Variants in SGTA observed in about 807,000 individuals in gnomAD.
SGTA encodes small glutamine-rich tetratricopeptide repeat-containing protein alpha.
Under a neutral mutation model 44.3 loss-of-function variants are expected in SGTA, and 22 were observed. The observed-to-expected ratio is 0.50, with a 90% confidence interval of 0.36 to 0.71. The LOEUF is 0.71. Among genes scored for constraint, SGTA ranks in the 30% least tolerant of loss-of-function variants. The pLI is 0.00. For synonymous variants in SGTA, 174 were observed against 177.6 expected (o/e 0.98, Z 0.16); for missense variants, 341 against 435.9 (o/e 0.78, Z 1.94).
At position 2,755,757 on chromosome 19, in the gene SGTA, G is replaced by T; in HGVS notation, c.*183C>A. 1.0e-6 allele frequency: 1 copy of T among 985,570 alleles called. No homozygotes were observed. 61.1% of individuals were successfully genotyped at this position (985,570 alleles called of 1,614,324 possible). A position where few individuals can be genotyped will look rare whatever the true frequency, so the allele number is the denominator to read the frequency against. ...TCAAGAAGGGTCTGGGGGCTGTAAG[G>T]GAGTTACAAAAAGGGAGTGGAGGAG... On this transcript the variant is annotated 3_prime_UTR_variant, in exon 12 of 12. Transcript: ENST00000221566. The surrounding 1 kb of genome is among the most constrained non-coding windows in gnomAD (Gnocchi z 5.2).
chr19:2,757,484 G>C (rs376661765), intron 10 of SGTA, 27 bp from the exon 11 acceptor site: 90 of 1,601,546 alleles, frequency 5.6e-5, no homozygotes, highest in Non-Finnish European at 7.1e-5. Flanking sequence ...ATGGGGCTCA[G>C]CCAGGGCCAG....
chr19:2,774,319 C>T (rs1046082824), intron 1 of SGTA, among the ~76,000 whole-genome samples: 3 of 152,106 alleles, frequency 2.0e-5, no homozygotes, highest in African/African-American at 4.8e-5. Flanking sequence ...GGAGAACAAA[C>T]GGGCTGTCAT....
chr19:2,762,358 G>T, intron 7 of SGTA, 148 bp downstream of exon 7: 1 of 745,416 alleles, frequency 1.3e-6, no homozygotes, highest in Non-Finnish European at 2.2e-6. Context: ...TCACTTCCAC[G>T]CCTGTGCATC....
chr19:2,762,409 C>G, intron 7 of SGTA, 97 bp downstream of exon 7: 1 of 1,267,698 alleles, frequency 7.9e-7, no homozygotes, highest in East Asian at 2.3e-5. Context: ...TCACGACACC[C>G]AGGTTAAGCC....
intron 1 of SGTA, among the ~76,000 whole-genome samples, chr19:2,773,917 G>A (rs1915378182): frequency 9.8e-6 from 1 of 102,066 alleles, no homozygotes; most frequent in Admixed American, 8.7e-5. Context: ...GCAGAGATGG[G>A]TGACGCGGCC....
chr19:2,773,443 A>G lies in SGTA; in HGVS notation c.-23-4352T>C, dbSNP rs370237148. On this transcript the variant is annotated intron_variant, in intron 1 of 11. Coordinates refer to ENST00000221566, the MANE Select transcript of SGTA (RefSeq NM_003021.4). The stretch of plus-strand genomic sequence containing the variant: ...GAGGTGGGTGACGCGGCCACACGGC[A>G]GGGACACCGAGGGCAGAGATGGGTG... Among the ~76,000 whole-genome samples, 46 of 5,140 alleles carry G rather than the reference A, an allele frequency of 8.9e-3. 3 individuals carry two copies. Among genetic ancestry groups the G allele is most frequent in the South Asian group, 0.025 (1 of 40 alleles). 3.4% of individuals were successfully genotyped at this position (5,140 alleles called of 152,430 possible).
In SGTA at chr19:2,762,555, T is replaced by C. The variant is rs1214588273; in HGVS notation, c.587A>G (p.Lys196Arg). 1.2e-6 allele frequency: 2 copies of C among 1,614,134 alleles called. No homozygotes were observed. The highest frequency in any genetic ancestry group is 1.7e-6 in the Non-Finnish European group (2 of 1,179,992). The change falls in exon 7 of 12, where the codon AAG becomes AGG. Residue 196 changes from lysine (K) to arginine (R), a missense_variant. By Grantham distance (26) the Lys-to-Arg change is conservative (BLOSUM62 2). Coordinates refer to ENST00000221566, the MANE Select transcript of SGTA (RefSeq NM_003021.4). Reference protein sequence around the residue: ...LELDPDNETYKSNLKIAELKL... With the variant: ...LELDPDNETYRSNLKIAELKL... ...CAGCTCCGCTATCTTGAGGTTGGAC[T>C]TGTATGTCTCGTTGTCGGGGTCCAG...
At chr19:2,760,763 G>A (rs912555910) in intron 8 of SGTA, among the ~76,000 whole-genome samples, 7 of 152,098 alleles carry the variant, frequency 4.6e-5, no homozygotes, top group African/African-American at 1.2e-4. Context: ...TGAATGGCAC[G>A]ACCCGGGCAG....
Position 2,765,037 on chromosome 19 carries a change from C to G in SGTA, c.392+149G>C. On this transcript the variant is annotated intron_variant, in intron 5 of 11. Coordinates refer to ENST00000221566, the MANE Select transcript of SGTA (RefSeq NM_003021.4). The surrounding 1 kb of genome is among the most constrained non-coding windows in gnomAD (Gnocchi z 5.5). ...TCTCCCCGACCCCGTTGCTGGTCAC[C>G]TGATGCTCGCTCCTGGTCTGAGACC... 1.6e-6 allele frequency: 1 copy of G among 621,002 alleles called. No homozygotes were observed. The highest frequency in any genetic ancestry group is 2.9e-6 in the Non-Finnish European group (1 of 347,358). The allele number at this position is 621,002 out of a possible 1,614,324, so 38.5% of individuals were successfully genotyped here.
chr19:2,761,405 C>G lies in SGTA; in HGVS notation c.699+55G>C, dbSNP rs541551383. 7.6e-6 allele frequency: 11 copies of G among 1,445,494 alleles called. No homozygotes were observed. The highest frequency in any genetic ancestry group is 3.9e-5 in the Admixed American group (2 of 50,806). The allele number at this position is 1,445,494 out of a possible 1,614,324, so 89.5% of individuals were successfully genotyped here. On this transcript the variant is annotated intron_variant, in intron 8 of 11. Transcript: ENST00000221566. This position sits in a 1 kb window ranked among gnomAD's most constrained non-coding sequence, Gnocchi z 5.7. ...TGGCCAGTAGCGGACACAGCAGATG[C>G]GGGCCTGGGGGGTGGCGCAGACACC... is the stretch of plus-strand genomic sequence containing the variant.
In SGTA at chr19:2,755,360, G is replaced by C. The variant is rs1045615320; in HGVS notation, c.*580C>G. 5.1e-6 allele frequency: 5 copies of C among 981,294 alleles called. No individual in the cohort carries two copies. The highest frequency in any genetic ancestry group is 4.9e-6 in the Non-Finnish European group (4 of 824,424). 60.8% of individuals were successfully genotyped at this position (981,294 alleles called of 1,614,324 possible). On this transcript the variant is annotated 3_prime_UTR_variant, in exon 12 of 12. Transcript: ENST00000221566. This position sits in a 1 kb window ranked among gnomAD's most constrained non-coding sequence, Gnocchi z 5.2. ...TGAGCCGCGGAGGCGTGGGGTGACC[G>C]CAGCCGTCTCTTAGGTGTCTGCCAC...
intron 1 of SGTA, among the ~76,000 whole-genome samples, chr19:2,771,986 C>G (rs984981071): frequency 6.6e-6 from 1 of 152,244 alleles, no homozygotes; most frequent in Non-Finnish European, 1.5e-5. Context: ...GCAGCTGGGT[C>G]TTCCCCATCT....
At chr19:2,776,250 T>G (rs1002362470) in intron 1 of SGTA, among the ~76,000 whole-genome samples, 6 of 152,236 alleles carry the variant, frequency 3.9e-5, no homozygotes. Context: ...TTGTTTTATT[T>G]TTAAGCACGT....
chr19:2,755,777 G>T lies in SGTA; in HGVS notation c.*163C>A. The T allele has an allele frequency of 5.1e-6, 5 of 985,556 alleles. No individual in the cohort carries two copies. The highest frequency in any genetic ancestry group is 6.0e-6 in the Non-Finnish European group (5 of 830,030). 61.1% of individuals were successfully genotyped at this position (985,556 alleles called of 1,614,324 possible). On this transcript the variant is annotated 3_prime_UTR_variant, in exon 12 of 12. Coordinates refer to ENST00000221566, the MANE Select transcript of SGTA (RefSeq NM_003021.4). This position sits in a 1 kb window ranked among gnomAD's most constrained non-coding sequence, Gnocchi z 5.2. ...GTAAGGGAGTTACAAAAAGGGAGTG[G>T]AGGAGGGCAGAGATAAAAGGGGAAA... is the stretch of plus-strand genomic sequence containing the variant.
intron 4 of SGTA, among the ~76,000 whole-genome samples, chr19:2,766,213 C>A (rs551625187): frequency 6.6e-6 from 1 of 151,864 alleles, no homozygotes; most frequent in South Asian, 2.1e-4. Flanking sequence ...GAGACTCCAT[C>A]TCAAAAAAGA....
rs1223822483 is a variant in SGTA, at chr19:2,771,581, G to C, written c.-23-2490C>G. ...GGCGACAGCACCTCCCCATCGGGGG[G>C]GGGGGGAGGGGTACGAGACCAGGCG... On this transcript the variant is annotated intron_variant, in intron 1 of 11. Transcript: ENST00000221566. Among the ~76,000 whole-genome samples the C allele has an allele frequency of 5.3e-5, 8 of 151,836 alleles. No individual in the cohort carries two copies. The East Asian group carries it at 5.8e-4, about 11-fold the overall frequency.
chr19:2,760,174 T>C (rs2144720855), intron 8 of SGTA, among the ~76,000 whole-genome samples: 1 of 152,142 alleles, frequency 6.6e-6, no homozygotes, highest in East Asian at 1.9e-4. Context: ...CGCCGTATCA[T>C]GAAAGCCACC....
chr19:2,764,849 G>A (rs1314850086), intron 5 of SGTA, among the ~76,000 whole-genome samples: 1 of 152,114 alleles, frequency 6.6e-6, no homozygotes, highest in African/African-American at 2.4e-5. Context: ...TTACAGACGT[G>A]AGCCACCGCG....
At chr19:2,759,827 G>A (rs1270981508) in intron 8 of SGTA, among the ~76,000 whole-genome samples, 2 of 152,010 alleles carry the variant, frequency 1.3e-5, no homozygotes, top group Non-Finnish European at 2.9e-5. Context: ...AGGTGTGGTG[G>A]TGCATGCCTG....
Sources: gnomAD v4.1 joint callset for allele counts (sites outside exome capture counted in the v4.1 genomes callset) on GRCh38, gnomAD v4.1.1 for gene constraint, Gnocchi (gnomAD v3.1) non-coding constraint, MANE v1.5 for transcripts, NCBI Gene and HGNC (gene_info 2026-07-23, HGNC 2026-07-21) for gene names.